The following CCDC178 variants were observed in gnomAD, a reference collection of about 807,000 sequenced individuals.
The protein encoded by CCDC178 is coiled-coil domain containing 178.
CCDC178 carries 126 observed loss-of-function variants against 117.4 expected under a neutral mutation model. The ratio of observed to expected loss-of-function variants is 1.07; its 90% CI spans 0.93 to 1.24. The LOEUF is 1.24. CCDC178 is among the 50% of genes most tolerant of loss of function. The pLI, the probability that CCDC178 is intolerant of heterozygous loss-of-function variation, is 0.00. For synonymous variants in CCDC178, 283 were observed against 313.4 expected, an observed-to-expected ratio of 0.90 and a Z score of 1.02; for missense variants, 1,030 against 986.9, an observed-to-expected ratio of 1.04 and a Z score of -0.59.
At chr18:33,087,010 ACAC>A (rs2057389783) in intron 21 of CCDC178, among the ~76,000 whole-genome samples, 7 of 147,620 alleles carry the variant, frequency 4.7e-5, no homozygotes, top group African/African-American at 1.7e-4. Flanking sequence ...ACACACACAC[ACAC>A]AACAAAATAG....
chr18:33,177,329 T>C (rs975850078), intron 20 of CCDC178, among the ~76,000 whole-genome samples: 1 of 152,060 alleles, frequency 6.6e-6, no homozygotes, highest in Non-Finnish European at 1.5e-5. Flanking sequence ...AACCTGCACG[T>C]TCTGCACATG....
chr18:33,399,414 C>T (rs370250087), intron 3 of CCDC178, among the ~76,000 whole-genome samples: 1 of 152,154 alleles, frequency 6.6e-6, no homozygotes, highest in Admixed American at 6.6e-5. Context: ...GCGTGTGATG[C>T]TGTTTAATAG....
intron 20 of CCDC178, among the ~76,000 whole-genome samples, chr18:33,185,347 A>G (rs987286327): frequency 6.6e-5 from 10 of 152,224 alleles, no homozygotes; most frequent in Admixed American, 6.5e-4. Context: ...CCATGAAAAA[A>G]TGAAGGAATG....
intron 9 of CCDC178, among the ~76,000 whole-genome samples, chr18:33,340,912 A>C (rs1426640778): frequency 1.3e-5 from 2 of 152,230 alleles, no homozygotes; most frequent in Non-Finnish European, 2.9e-5. Flanking sequence ...AGCCCCCAAC[A>C]GAGTCCCTAC....
At position 33,103,769 on chromosome 18, in the gene CCDC178, C is replaced by T. The variant is rs1054073946; in HGVS notation, c.2239-10859G>A. ...TTATAAGTAGATAGAGAGGTCTGCT[C>T]AGTTTTTGACTCCTGAAACTTCTGT... On this transcript the variant is annotated intron_variant, in intron 20 of 22. Coordinates refer to ENST00000383096, the MANE Select transcript of CCDC178 (RefSeq NM_001105528.4). Among the ~76,000 whole-genome samples the T allele has an allele frequency of 4.6e-5, 7 of 151,778 alleles. No homozygotes were observed. In the East Asian group the frequency reaches 9.8e-4, roughly 21 times the overall value.
At chr18:33,233,154 C>A in intron 15 of CCDC178, among the ~76,000 whole-genome samples, 1 of 152,074 alleles carries the variant, frequency 6.6e-6, no homozygotes, top group Non-Finnish European at 1.5e-5. Flanking sequence ...ATCCTTAAAC[C>A]TGCATCTCTG....
In CCDC178 at chr18:33,223,171, C is replaced by T. The variant is rs1443339072; in HGVS notation, c.1867G>A (p.Gly623Arg). 3 of 1,607,034 alleles carry T rather than the reference C, an allele frequency of 1.9e-6. No individual in the cohort carries two copies. Among genetic ancestry groups the T allele is most frequent in the African/African-American group, 1.3e-5 (1 of 74,686 alleles). The change falls in exon 18 of 23, where the codon GGA becomes AGA. Residue 623 changes from glycine (G) to arginine (R), a missense_variant. Physicochemically the swap from Gly to Arg is moderately radical, Grantham distance 125. Transcript: ENST00000383096. ...TTTCGTAATTTTTTCTTTACTTTTC[C>T]CACCTTTCTTCTAATAAGATCTTTC... ...DQKDLIRRKV[G>R]KVKKKLRKKG...
intron 18 of CCDC178, among the ~76,000 whole-genome samples, chr18:33,216,230 C>A (rs1185894798): frequency 6.6e-6 from 1 of 152,080 alleles, no homozygotes; most frequent in Non-Finnish European, 1.5e-5. Context: ...ACTTTATAAG[C>A]ATGTCATTTC....
At chr18:33,219,213 A>G (rs2059202805) in intron 18 of CCDC178, among the ~76,000 whole-genome samples, 2 of 152,152 alleles carry the variant, frequency 1.3e-5, no homozygotes, top group South Asian at 4.1e-4. Flanking sequence ...ATGCAAATCA[A>G]TATCACAATG....
At chr18:33,222,802 A>G (rs1262634363) in intron 18 of CCDC178, among the ~76,000 whole-genome samples, 1 of 151,858 alleles carries the variant, frequency 6.6e-6, no homozygotes, top group Non-Finnish European at 1.5e-5. Flanking sequence ...AAAAGGAGAC[A>G]GCATGGCCAT....
intron 2 of CCDC178, among the ~76,000 whole-genome samples, chr18:33,430,570 T>G (rs2064198437): frequency 1.3e-5 from 2 of 152,178 alleles, no homozygotes; most frequent in Admixed American, 1.3e-4. Context: ...AGAAGCCATG[T>G]GATCCAGATG....
intron 21 of CCDC178, among the ~76,000 whole-genome samples, chr18:33,000,674 TA>T (rs1167710075): frequency 2.0e-5 from 3 of 152,190 alleles, no homozygotes; most frequent in Non-Finnish European, 2.9e-5. Context: ...GTGACATATT[TA>T]AATTGCTGAA....
At chr18:33,406,308 T>C (rs1240938210) in intron 3 of CCDC178, among the ~76,000 whole-genome samples, 1 of 152,048 alleles carries the variant, frequency 6.6e-6, no homozygotes, top group African/African-American at 2.4e-5. Context: ...TTAATTTAAG[T>C]GATGGGCAGA....
chr18:33,015,706 T>C (rs1429378750), intron 21 of CCDC178, among the ~76,000 whole-genome samples: 3 of 151,182 alleles, frequency 2.0e-5, no homozygotes, highest in Non-Finnish European at 4.4e-5. Flanking sequence ...TCAGTTATTA[T>C]AAATATGTTC....
chr18:33,141,114 C>T lies in CCDC178; in HGVS notation c.2239-48204G>A, dbSNP rs138130510. The stretch of plus-strand genomic sequence containing the variant: ...GTGAGGCCTCCCCAGCCACGTGGAA[C>T]TGTAAGTCAATTAAACCTCTTTTTT... On this transcript the variant is annotated intron_variant, in intron 20 of 22. Transcript: ENST00000383096. Among the ~76,000 whole-genome samples the T allele has an allele frequency of 2.5e-4, 38 of 152,284 alleles. 1 individual carries two copies. The East Asian group carries it at 6.9e-3, about 28-fold the overall frequency.
At chr18:33,042,549 A>G (rs2056568397) in intron 21 of CCDC178, among the ~76,000 whole-genome samples, 1 of 151,952 alleles carries the variant, frequency 6.6e-6, no homozygotes, top group Non-Finnish European at 1.5e-5. Flanking sequence ...TCTTTATTAT[A>G]TGCTAGTTTA....
chr18:32,972,684 G>T (rs536046598), intron 22 of CCDC178, among the ~76,000 whole-genome samples: 3 of 152,102 alleles, frequency 2.0e-5, no homozygotes, highest in African/African-American at 7.2e-5. Context: ...TAATTAGCAA[G>T]AATTTTGGAG....
At chr18:33,095,435 G>A (rs1285576631) in intron 20 of CCDC178, among the ~76,000 whole-genome samples, 1 of 151,850 alleles carries the variant, frequency 6.6e-6, no homozygotes, top group Non-Finnish European at 1.5e-5. Flanking sequence ...GGATATTACA[G>A]CTTCTTTTCC....
At chr18:33,091,156 G>T (rs1158821537) in intron 21 of CCDC178, among the ~76,000 whole-genome samples, 1 of 151,910 alleles carries the variant, frequency 6.6e-6, no homozygotes, top group East Asian at 1.9e-4. Flanking sequence ...ACAACAAATA[G>T]AACATATTTA....
Sources: gnomAD v4.1 joint callset for allele counts (sites outside exome capture counted in the v4.1 genomes callset) on GRCh38, gnomAD v4.1.1 for gene constraint, MANE v1.5 for transcripts, NCBI Gene and HGNC (gene_info 2026-07-23, HGNC 2026-07-21) for gene names.